Variants in TPD52 observed in about 807,000 individuals in gnomAD.
The protein encoded by TPD52 is tumor protein D52.
In TPD52, 17 loss-of-function variants were observed where a neutral mutation model predicts 31.3. The ratio of observed to expected loss-of-function variants is 0.54; its 90% CI spans 0.37 to 0.82. TPD52 has a LOEUF of 0.82. TPD52 is among the 40% of genes least tolerant of loss of function. The pLI, the probability that TPD52 is intolerant of heterozygous loss-of-function variation, is 0.00. For missense variants in TPD52, 212 were observed against 240.1 expected, an observed-to-expected ratio of 0.88 and a Z score of 0.77; for synonymous variants, 83 against 89.6, an observed-to-expected ratio of 0.93 and a Z score of 0.42.
chr8:80,158,567 T>C (rs1437351123), intron 1 of TPD52: 1 of 152,072 alleles, frequency 6.6e-6, no homozygotes, highest in Non-Finnish European at 1.5e-5. Flanking sequence ...GAATGGCCTA[T>C]GAGCCTGAGA....
chr8:80,140,351 T>C (rs1446279027), intron 1 of TPD52, among the ~76,000 whole-genome samples: 2 of 152,220 alleles, frequency 1.3e-5, no homozygotes, highest in Admixed American at 1.3e-4. Flanking sequence ...AATAACATCA[T>C]TTCCAACTCA....
chr8:80,171,535 C>A lies in TPD52; in HGVS notation c.-92G>T. 1 of 1,411,898 alleles carries A rather than the reference C, an allele frequency of 7.1e-7. No homozygotes were observed. The highest frequency in any genetic ancestry group is 9.2e-7 in the Non-Finnish European group (1 of 1,090,408). The allele number at this position is 1,411,898 out of a possible 1,614,324, so 87.5% of individuals were successfully genotyped here. ...CCCGCCGCGCCGCGCAGAGCTCCTCCTCGCCTCCGCCGGCGACTCCCGCGA... is the reference window on the plus strand; with the variant it reads ...CCCGCCGCGCCGCGCAGAGCTCCTCATCGCCTCCGCCGGCGACTCCCGCGA... On this transcript the variant is annotated 5_prime_UTR_variant, in exon 1 of 8. In the 5' UTR this introduces an upstream ATG that the reference lacks. Coordinates refer to ENST00000518937, the MANE Select transcript of TPD52 (RefSeq NM_001025253.3).
intron 1 of TPD52, among the ~76,000 whole-genome samples, chr8:80,069,350 C>T (rs1813506337): frequency 6.6e-6 from 1 of 152,074 alleles, no homozygotes; most frequent in South Asian, 2.1e-4. Flanking sequence ...CCTGTAGTCC[C>T]AGCTACTCAG....
chr8:80,163,307 G>A lies in TPD52; in HGVS notation c.19+8118C>T, dbSNP rs1811484434. Among the ~76,000 whole-genome samples the A allele has an allele frequency of 3.3e-5, 5 of 152,108 alleles. No homozygotes were observed. In the South Asian group the frequency reaches 1.0e-3, roughly 32 times the overall value. On this transcript the variant is annotated intron_variant, in intron 1 of 7. Coordinates refer to ENST00000518937, the MANE Select transcript of TPD52 (RefSeq NM_001025253.3). ...TTATTCAGCCTTAAGAAGGAAATTG[G>A]GTCATGTGCTACACACGCATGAGCC...
At chr8:80,115,936 TTAATA>T (rs1807832429) in intron 1 of TPD52, among the ~76,000 whole-genome samples, 1 of 152,216 alleles carries the variant, frequency 6.6e-6, no homozygotes, top group Non-Finnish European at 1.5e-5. Flanking sequence ...TAATTTCTTC[TTAATA>T]TAACAAAAAC....
At position 80,034,995 on chromosome 8, in the gene TPD52, T is replaced by TA. The variant is rs1304412046; in HGVS notation, c.*3120dup. On this transcript the variant is annotated 3_prime_UTR_variant, in exon 8 of 8. Transcript: ENST00000518937. ...CTTAGTTCATTTTGAGTCAGAACAA[T>TA]AAGGAAATTATGAAATCTAAGATGT... 2.6e-5 allele frequency: 4 copies of TA among 152,098 alleles called. No homozygotes were observed. The highest frequency in any genetic ancestry group is 2.0e-4 in the Admixed American group (3 of 15,266). The allele number at this position is 152,098 out of a possible 1,614,324, so 9.4% of individuals were successfully genotyped here.
At chr8:80,084,255 G>T (rs1252499493) in intron 1 of TPD52, among the ~76,000 whole-genome samples, 1 of 152,172 alleles carries the variant, frequency 6.6e-6, no homozygotes, top group Non-Finnish European at 1.5e-5. Context: ...GAGGTCCATA[G>T]TTCCCACCCC....
At chr8:80,060,102 G>A (rs1335567589) in intron 2 of TPD52, among the ~76,000 whole-genome samples, 12 of 128,516 alleles carry the variant, frequency 9.3e-5, no homozygotes, top group Admixed American at 1.6e-4. Context: ...AAAAAGAAAA[G>A]AAAAAGATGA....
chr8:80,049,875 T>C (rs1401856973), intron 5 of TPD52, among the ~76,000 whole-genome samples: 4 of 152,124 alleles, frequency 2.6e-5, no homozygotes, highest in Admixed American at 6.6e-5. Context: ...AAAGAAAGAA[T>C]AAAATCATAA....
intron 5 of TPD52, among the ~76,000 whole-genome samples, chr8:80,045,373 T>A (rs562575950): frequency 6.6e-6 from 1 of 152,334 alleles, no homozygotes; most frequent in Admixed American, 6.5e-5. Context: ...ATAACTGATA[T>A]GATAGGTGGA....
chr8:80,079,832 A>G (rs1815032034), intron 1 of TPD52, among the ~76,000 whole-genome samples: 2 of 152,128 alleles, frequency 1.3e-5, no homozygotes, highest in African/African-American at 4.8e-5. Context: ...TTAAAAAAAA[A>G]AAAATCTCTT....
intron 7 of TPD52, chr8:80,042,380 T>C: frequency 3.0e-6 from 3 of 985,486 alleles, no homozygotes; most frequent in Non-Finnish European, 3.6e-6. Flanking sequence ...TAAAGTGCCA[T>C]TTCTTTGTAA....
intron 2 of TPD52, among the ~76,000 whole-genome samples, chr8:80,057,972 C>G (rs1184178246): frequency 6.6e-6 from 1 of 152,078 alleles, no homozygotes; most frequent in Non-Finnish European, 1.5e-5. Context: ...ATAATAGCAC[C>G]TGCCCCGTAA....
intron 1 of TPD52, among the ~76,000 whole-genome samples, chr8:80,126,479 ATTT>A (rs752947491): frequency 2.4e-5 from 3 of 126,448 alleles, no homozygotes; most frequent in Non-Finnish European, 1.6e-5. Context: ...AAAGTTTATA[ATTT>A]TTTTTTTTTT....
intron 7 of TPD52, among the ~76,000 whole-genome samples, chr8:80,040,051 T>C (rs1810226601): frequency 6.6e-6 from 1 of 152,144 alleles, no homozygotes; most frequent in South Asian, 2.1e-4. Context: ...TAATCACAGA[T>C]GAATGAATCA....
At chr8:80,154,909 TGA>T (rs1810846228) in intron 1 of TPD52, among the ~76,000 whole-genome samples, 3 of 152,160 alleles carry the variant, frequency 2.0e-5, no homozygotes. Context: ...TGATCTGTGA[TGA>T]GAGACCTTTG....
intron 1 of TPD52, among the ~76,000 whole-genome samples, chr8:80,146,109 A>G (rs7840008): frequency 0.51 from 77,471 of 152,030 alleles, 20,250 homozygotes; most frequent in East Asian, 0.79. Context: ...GAACAGAAAC[A>G]GGACAAACTG....
At chr8:80,117,893 T>C (rs1301612668) in intron 1 of TPD52, among the ~76,000 whole-genome samples, 2 of 151,806 alleles carry the variant, frequency 1.3e-5, no homozygotes, top group Non-Finnish European at 2.9e-5. Flanking sequence ...CCACCACTCC[T>C]AGCTAATTTT....
At chr8:80,114,166 G>T (rs138564824) in intron 1 of TPD52, among the ~76,000 whole-genome samples, 2 of 152,242 alleles carry the variant, frequency 1.3e-5, no homozygotes, top group African/African-American at 4.8e-5. Context: ...TTGAACCCAG[G>T]AAGTGGAGAC....
Sources: allele counts gnomAD v4.1 joint callset (sites outside exome capture counted in the v4.1 genomes callset), GRCh38; gene constraint gnomAD v4.1.1; transcripts MANE v1.5; gene names NCBI Gene and HGNC (gene_info 2026-07-23, HGNC 2026-07-21).